FMN1: variants seen among roughly 807,000 people sequenced by gnomAD.
The protein encoded by FMN1 is formin-1.
In FMN1, 110 loss-of-function variants were observed where a neutral mutation model predicts 132.4. The observed-to-expected ratio is 0.83, with a 90% confidence interval of 0.71 to 0.97. The LOEUF (loss-of-function observed/expected upper bound fraction) is 0.97, where lower values mean the gene tolerates loss of function less well. FMN1 is among the 50% of genes least tolerant of loss of function. FMN1 has a pLI of 0.00. For synonymous variants in FMN1, 722 were observed against 651.7 expected (o/e 1.11, Z -1.64); for missense variants, 1,792 against 1,705.3 (o/e 1.05, Z -0.90).
At chr15:32,775,631 G>T (rs1356549508) in intron 20 of FMN1, among the ~76,000 whole-genome samples, 1 of 152,168 alleles carries the variant, frequency 6.6e-6, no homozygotes, top group African/African-American at 2.4e-5. Context: ...TTAGGTAGGG[G>T]CCATGTGCTC....
chr15:32,819,649 C>CTTTAT (rs1567219374), intron 17 of FMN1, among the ~76,000 whole-genome samples: 1 of 151,854 alleles, frequency 6.6e-6, no homozygotes, highest in East Asian at 1.9e-4. Flanking sequence ...AATTTAAAGA[C>CTTTAT]GTTTCCTAAA....
chr15:33,146,038 C>T, intron 4 of FMN1, among the ~76,000 whole-genome samples: 1 of 149,550 alleles, frequency 6.7e-6, no homozygotes, highest in African/African-American at 2.5e-5. Context: ...TTCAGTGGTG[C>T]AATCTCGGCT....
At chr15:33,088,100 G>GTA (rs1477324837) in intron 5 of FMN1, among the ~76,000 whole-genome samples, 2 of 152,008 alleles carry the variant, frequency 1.3e-5, no homozygotes, top group African/African-American at 4.8e-5. Flanking sequence ...TACACACTGG[G>GTA]TACAGTGTAC....
At chr15:33,145,302 T>C (rs1011257465) in intron 4 of FMN1, among the ~76,000 whole-genome samples, 13 of 151,508 alleles carry the variant, frequency 8.6e-5, no homozygotes, top group Non-Finnish European at 1.6e-4. Flanking sequence ...TAAGACAAAA[T>C]CTCATTCATT....
intron 16 of FMN1, among the ~76,000 whole-genome samples, chr15:32,874,196 T>G (rs140198864): frequency 0.011 from 1,631 of 152,010 alleles, 15 homozygotes; most frequent in Non-Finnish European, 0.017. Context: ...TAATTTTTTG[T>G]ACTTTTAGTA....
At chr15:32,920,364 CT>C (rs2060790252) in intron 10 of FMN1, among the ~76,000 whole-genome samples, 1 of 152,164 alleles carries the variant, frequency 6.6e-6, no homozygotes, top group Admixed American at 6.6e-5. Flanking sequence ...AATGCAAGTG[CT>C]TTTGGTATTA....
chr15:33,034,940 C>G (rs1368256319), intron 6 of FMN1, among the ~76,000 whole-genome samples: 2 of 152,188 alleles, frequency 1.3e-5, no homozygotes, highest in Admixed American at 1.3e-4. Context: ...AAGCCAATCT[C>G]AAACAATATC....
At chr15:33,019,544 C>G (rs796608072) in intron 6 of FMN1, among the ~76,000 whole-genome samples, 1 of 152,136 alleles carries the variant, frequency 6.6e-6, no homozygotes, top group Non-Finnish European at 1.5e-5. Context: ...CGGCGCTTGT[C>G]GGGGAGGCTC....
Position 33,154,543 on chromosome 15 carries a change from C to T in FMN1, c.372G>A (p.Val124=), listed in dbSNP as rs1964592205. 1 of 1,536,132 alleles carries T rather than the reference C, an allele frequency of 6.5e-7. No individual in the cohort carries two copies. The highest frequency in any genetic ancestry group is 1.2e-5 in the South Asian group (1 of 84,062). The change falls in exon 4 of 21, where the codon GTG becomes GTA. Residue 124 remains valine, a synonymous_variant. Coordinates refer to ENST00000616417, the MANE Select transcript of FMN1 (RefSeq NM_001277313.2). The part of the protein sequence containing the change: ...NQEGKLQELS[V]SLAPEDDCFQ... ...AACAGTCATCCTCGGGGGCCAGGCTCACGGACAGCTCTTGCAGCTTCCCCT... is the reference window on the plus strand; with the variant it reads ...AACAGTCATCCTCGGGGGCCAGGCTTACGGACAGCTCTTGCAGCTTCCCCT...
chr15:32,981,802 A>G (rs2032697918), intron 7 of FMN1, among the ~76,000 whole-genome samples: 1 of 152,122 alleles, frequency 6.6e-6, no homozygotes, highest in African/African-American at 2.4e-5. Context: ...GTATACACAT[A>G]TCAAAACACA....
At chr15:33,122,579 T>C (rs2140180810) in intron 4 of FMN1, among the ~76,000 whole-genome samples, 1 of 152,342 alleles carries the variant, frequency 6.6e-6, no homozygotes, top group South Asian at 2.1e-4. Flanking sequence ...CATCACCTTC[T>C]AAACAGTACC....
chr15:32,901,417 A>T (rs1567357367), intron 13 of FMN1, among the ~76,000 whole-genome samples: 2 of 152,208 alleles, frequency 1.3e-5, no homozygotes, highest in Admixed American at 6.5e-5. Context: ...CTAGAATTTA[A>T]CCTTATAATG....
chr15:32,878,056 C>T (rs999252115), intron 16 of FMN1, among the ~76,000 whole-genome samples: 16 of 151,964 alleles, frequency 1.1e-4, no homozygotes, highest in African/African-American at 3.1e-4. Flanking sequence ...ATATGAAAAA[C>T]GAAGGCTGTA....
At chr15:33,075,078 T>C (rs1246582043) in intron 5 of FMN1, among the ~76,000 whole-genome samples, 3 of 139,108 alleles carry the variant, frequency 2.2e-5, no homozygotes, top group Non-Finnish European at 3.1e-5. Context: ...GCTCACACCA[T>C]GCTCCACTCC....
At chr15:33,012,299 T>C in intron 6 of FMN1, 1 of 759,618 alleles carries the variant, frequency 1.3e-6, no homozygotes, top group South Asian at 1.3e-5. Flanking sequence ...TGGGTTTGTC[T>C]CATATGCCAC....
intron 6 of FMN1, among the ~76,000 whole-genome samples, chr15:33,008,435 C>T (rs1188913709): frequency 6.6e-6 from 1 of 151,818 alleles, no homozygotes; most frequent in Non-Finnish European, 1.5e-5. Context: ...TAAGAGCAGA[C>T]AGGGCAGGAA....
At chr15:33,008,116 A>C in intron 6 of FMN1, 41 bp from the exon 7 acceptor site, 1 of 1,494,374 alleles carries the variant, frequency 6.7e-7, no homozygotes, top group South Asian at 1.2e-5. Context: ...AGAAGTACAA[A>C]ATTAAGCACA....
chr15:33,132,395 C>T (rs893788074), intron 4 of FMN1, among the ~76,000 whole-genome samples: 2 of 152,138 alleles, frequency 1.3e-5, no homozygotes, highest in South Asian at 2.1e-4. Context: ...GAACTCAGCA[C>T]GTAGGCTTCA....
intron 5 of FMN1, among the ~76,000 whole-genome samples, chr15:33,073,891 CGACT>C (rs1047979194): frequency 2.6e-5 from 4 of 151,990 alleles, no homozygotes; most frequent in African/African-American, 9.7e-5. Context: ...TCACCACGAC[CGACT>C]AATTTTTGTA....
Sources: gnomAD v4.1 joint callset for allele counts (sites outside exome capture counted in the v4.1 genomes callset) on GRCh38, gnomAD v4.1.1 for gene constraint, MANE v1.5 for transcripts, NCBI Gene and HGNC (gene_info 2026-07-23, HGNC 2026-07-21) for gene names.